Variants in TSSK4 observed in about 807,000 individuals in gnomAD.
The protein encoded by TSSK4 is testis specific serine kinase 4.
Under a neutral mutation model 28.5 loss-of-function variants are expected in TSSK4, and 22 were observed. The observed-to-expected ratio is 0.77, with a 90% CI of 0.55 to 1.10. The LOEUF (loss-of-function observed/expected upper bound fraction) is 1.10. TSSK4 is among the 50% of genes least tolerant of loss of function. The pLI is 0.00. For missense variants in TSSK4, 329 were observed against 415.4 expected (o/e 0.79, Z 1.81); for synonymous variants, 151 against 158.3 (o/e 0.95, Z 0.35).
chr14:24,207,873 T>G lies in TSSK4; in HGVS notation c.835-91T>G, dbSNP rs181240474. On this transcript the variant is annotated intron_variant, in intron 3 of 3. Coordinates refer to ENST00000339917, the MANE Select transcript of TSSK4 (RefSeq NM_001184739.2). ...CTTTGACCAGAGTGGTATGATGGGC[T>G]ATCCTGCTTCTTTCTTAGGTCCAAC... 536 of 1,602,600 alleles carry G rather than the reference T, an allele frequency of 3.3e-4. 6 individuals are homozygous for G. In the East Asian group the frequency reaches 0.011, roughly 34 times the overall value.
In TSSK4 at chr14:24,207,142, G is replaced by T. The variant is rs1294798354; in HGVS notation, c.467G>T (p.Gly156Val). ...HRLMPSLSAAGRDLKLENLLL... is the reference protein window; with the variant it reads ...HRLMPSLSAAVRDLKLENLLL... ...CTGATGCCCAGCCTTTCTGCTGCTG[G>T]TAGGGACTTAAAGTTGGAGAACCTG... The change falls in exon 3 of 4, where the codon GGT becomes GTT. Residue 156 changes from glycine to valine, a missense_variant. By Grantham distance (109) the Gly-to-Val change is moderately radical (BLOSUM62 -3). Coordinates refer to ENST00000339917, the MANE Select transcript of TSSK4 (RefSeq NM_001184739.2). The T allele has an allele frequency of 1.9e-6, 3 of 1,609,756 alleles. No homozygotes were observed. The Admixed American group carries it at 5.0e-5, about 27-fold the overall frequency.
Position 24,207,299 on chromosome 14 carries a change from C to G in TSSK4, c.624C>G (p.Tyr208Ter), listed in dbSNP as rs757755969. Residue 208 changes from tyrosine to a stop codon, truncating the protein, a stop_gained, in exon 3 of 4, where the codon TAC (tyrosine) becomes TAG (stop). Coordinates refer to ENST00000339917, the MANE Select transcript of TSSK4 (RefSeq NM_001184739.2). LOFTEE classifies it high-confidence loss of function. ...VNCFSHLSQTYCGSFAYACPE... is the reference protein window; with the variant it reads ...VNCFSHLSQT Reference sequence around the variant, plus strand: ...GCTTTTCCCACCTCAGCCAGACTTACTGTGGCAGCTTTGCTTACGCTTGCC... The same window carrying G: ...GCTTTTCCCACCTCAGCCAGACTTAGTGTGGCAGCTTTGCTTACGCTTGCC... 81 of 1,614,040 alleles carry G rather than the reference C, an allele frequency of 5.0e-5. No homozygotes were observed. The highest frequency in any genetic ancestry group is 1.5e-4 in the Admixed American group (9 of 60,010).
At chr14:24,206,372 C>T (rs1482647429) in intron 1 of TSSK4, 137 bp from the exon 2 acceptor site, 7 of 1,003,150 alleles carry the variant, frequency 7.0e-6, no homozygotes, top group Non-Finnish European at 8.9e-6. Context: ...CATTTGCCCA[C>T]AGGCCACCAG....
Position 24,207,520 on chromosome 14 carries a change from C to T in TSSK4, c.834+11C>T. The T allele has an allele frequency of 6.3e-7, 1 of 1,589,090 alleles. No individual in the cohort carries two copies. Among genetic ancestry groups the T allele is most frequent in the South Asian group, 1.2e-5 (1 of 86,786 alleles). Reference sequence around the variant, plus strand: ...TCCCAGGAGTGCAAGGTACTGGCTACCTAAGGAGGGCTGAGCCTTCAGGGA... The same window carrying T: ...TCCCAGGAGTGCAAGGTACTGGCTATCTAAGGAGGGCTGAGCCTTCAGGGA... On this transcript the variant is annotated intron_variant, in intron 3 of 3. Transcript: ENST00000339917.
Position 24,207,476 on chromosome 14 carries a change from C to A in TSSK4, c.801C>A (p.Phe267Leu). The change falls in exon 3 of 4, where the codon TTC (phenylalanine) becomes TTA (leucine). Residue 267 changes from phenylalanine (F) to leucine (L), a missense_variant. Physicochemically the swap from Phe to Leu is conservative, Grantham distance 22. Transcript: ENST00000339917. ...LLRETQKEVT[F>L]PANHTISQEC... is the part of the protein sequence containing the mutation. Reference sequence around the variant, plus strand: ...GAGAGACTCAGAAGGAGGTCACTTTCCCAGCTAACCATACCATCTCCCAGG... The same window carrying A: ...GAGAGACTCAGAAGGAGGTCACTTTACCAGCTAACCATACCATCTCCCAGG... 2 of 1,612,934 alleles carry A rather than the reference C, an allele frequency of 1.2e-6. No homozygotes were observed. The highest frequency in any genetic ancestry group is 1.7e-6 in the Non-Finnish European group (2 of 1,179,386).
Position 24,208,183 on chromosome 14 carries a change from CAGG to C in TSSK4, c.*41_*43del, listed in dbSNP as rs773774465. The C allele has an allele frequency of 6.5e-7, 1 of 1,545,920 alleles. No homozygotes were observed. The highest frequency in any genetic ancestry group is 8.7e-7 in the Non-Finnish European group (1 of 1,145,090). ...GGAGGGGGCTAAGAGAGGAGCAAAG[CAGG>C]AGGTCTTGGGCTAAAAATCTTTTTT... On this transcript the variant is annotated 3_prime_UTR_variant, in exon 4 of 4. Transcript: ENST00000339917.
Position 24,206,549 on chromosome 14 carries a change from A to G in TSSK4, c.266A>G (p.Tyr89Cys), listed in dbSNP as rs34083933. 5,077 of 1,614,192 alleles carry G rather than the reference A, an allele frequency of 3.1e-3. 12 individuals are homozygous for G. The highest frequency in any genetic ancestry group is 4.0e-3 in the Non-Finnish European group (4,752 of 1,180,022). Residue 89 changes from tyrosine to cysteine, a missense_variant, in exon 2 of 4, where the codon TAT becomes TGT. Around this residue, in one of 3 missense-constraint regions of TSSK4, gnomAD observed 175 missense variants for 196.0 expected, o/e 0.89. Transcript: ENST00000339917. ...CGGCACAAGTACCTCATCAACTTCTATCGGGCCATTGAGAGCACATCTCGA... is the reference window on the plus strand; with the variant it reads ...CGGCACAAGTACCTCATCAACTTCTGTCGGGCCATTGAGAGCACATCTCGA... The part of the protein sequence containing the change: ...VLRHKYLINF[Y>C]RAIESTSRVY...
chr14:24,207,882 T>G (rs2039548674), intron 3 of TSSK4, 82 bp from the exon 4 acceptor site: 2 of 1,608,136 alleles, frequency 1.2e-6, no homozygotes, highest in South Asian at 1.1e-5. Flanking sequence ...CTATCCTGCT[T>G]CTTTCTTAGG....
chr14:24,207,022 TA>T, intron 2 of TSSK4, 93 bp from the exon 3 acceptor site: 1 of 1,531,200 alleles, frequency 6.5e-7, no homozygotes, highest in Non-Finnish European at 8.9e-7. Context: ...TGTGCCCTCA[TA>T]ATGGTTTCTA....
Position 24,208,137 on chromosome 14 carries a change from T to G in TSSK4, c.1008T>G (p.Ile336Met), listed in dbSNP as rs2039554383. 6.2e-7 allele frequency: 1 copy of G among 1,600,780 alleles called. No homozygotes were observed. The highest frequency in any genetic ancestry group is 1.3e-5 in the African/African-American group (1 of 74,636). Residue 336 changes from isoleucine to methionine, a missense_variant, in exon 4 of 4, where the codon ATT becomes ATG. Physicochemically the swap from Ile to Met is conservative, Grantham distance 10. This residue lies in a region of TSSK4 where 139 missense variants were observed against 178.1 expected (regional missense o/e 0.78). Coordinates refer to ENST00000339917, the MANE Select transcript of TSSK4 (RefSeq NM_001184739.2). ...CTAAACAGCACCAATCCTTGCAAAT[T>G]ACGACCTGAAAATGGCTGAGGGAGG... is the stretch of plus-strand genomic sequence containing the variant. Reference protein sequence around the residue: ...NTTKQHQSLQITT With the variant: ...NTTKQHQSLQMTT
intron 1 of TSSK4, 43 bp from the exon 2 acceptor site, chr14:24,206,466 G>A (rs763836721): frequency 2.4e-5 from 38 of 1,605,272 alleles, no homozygotes; most frequent in Non-Finnish European, 3.1e-5. Context: ...TGCAGTCAGG[G>A]TTCTCCCTTC....
intron 3 of TSSK4, 109 bp from the exon 4 acceptor site, chr14:24,207,855 C>G (rs778361251): frequency 6.3e-7 from 1 of 1,582,532 alleles, no homozygotes. Context: ...CCACTTTGAC[C>G]AGAGTGGTAT....
At chr14:24,207,858 A>C (rs1340182787) in intron 3 of TSSK4, 106 bp from the exon 4 acceptor site, 2 of 1,586,580 alleles carry the variant, frequency 1.3e-6, no homozygotes, top group Admixed American at 3.5e-5. Context: ...CTTTGACCAG[A>C]GTGGTATGAT....
chr14:24,206,046 G>T lies in TSSK4; in HGVS notation c.123G>T (p.Glu41Asp). The T allele has an allele frequency of 6.2e-7, 1 of 1,614,202 alleles. No individual in the cohort carries two copies. Among genetic ancestry groups the T allele is most frequent in the Non-Finnish European group, 8.5e-7 (1 of 1,180,028 alleles). The change falls in exon 1 of 4, where the codon GAG (glutamate) becomes GAT (aspartate). Residue 41 changes from glutamate (E) to aspartate (D), a missense_variant. Around this residue, in one of 3 missense-constraint regions of TSSK4, gnomAD observed 175 missense variants for 196.0 expected, o/e 0.89. Transcript: ENST00000339917. Reference sequence around the variant, plus strand: ...ATGGCTCCTATGGGTCGGTATATGAGGCTTTCTACACAAAGCAGAAGGTTA... The same window carrying T: ...ATGGCTCCTATGGGTCGGTATATGATGCTTTCTACACAAAGCAGAAGGTTA... Reference protein sequence around the residue: ...IGHGSYGSVYEAFYTKQKVMV... With the variant: ...IGHGSYGSVYDAFYTKQKVMV...
intron 3 of TSSK4, 105 bp from the exon 4 acceptor site, chr14:24,207,859 G>A (rs1202931034): frequency 6.3e-7 from 1 of 1,587,882 alleles, no homozygotes; most frequent in South Asian, 1.1e-5. Flanking sequence ...TTTGACCAGA[G>A]TGGTATGATG....
intron 2 of TSSK4, 136 bp from the exon 3 acceptor site, chr14:24,206,980 C>G: frequency 7.7e-7 from 1 of 1,295,942 alleles, no homozygotes; most frequent in Non-Finnish European, 1.1e-6. Context: ...GGGCTCTGCT[C>G]ACAACTCCAT....
chr14:24,207,291 C>T lies in TSSK4; in HGVS notation c.616C>T (p.Gln206Ter), dbSNP rs1019179272. The change falls in exon 3 of 4, where the codon CAG (glutamine) becomes TAG (stop). Residue 206 changes from glutamine to a stop codon, truncating the protein, a stop_gained. Coordinates refer to ENST00000339917, the MANE Select transcript of TSSK4 (RefSeq NM_001184739.2). LOFTEE classifies it high-confidence loss of function. ...AGTGAACTGCTTTTCCCACCTCAGC[C>T]AGACTTACTGTGGCAGCTTTGCTTA... ...RQVNCFSHLS[Q>*]TYCGSFAYAC... The T allele has an allele frequency of 1.2e-6, 2 of 1,614,148 alleles. No individual in the cohort carries two copies. The highest frequency in any genetic ancestry group is 2.7e-5 in the African/African-American group (2 of 75,054).
rs754188021 is a variant in TSSK4 at position 24,208,202 on chromosome 14, A to C, written c.*56A>C. The C allele has an allele frequency of 1.1e-5, 17 of 1,496,578 alleles. No individual in the cohort carries two copies. The highest frequency in any genetic ancestry group is 1.5e-5 in the Non-Finnish European group (17 of 1,121,866). 92.7% of individuals were successfully genotyped at this position (1,496,578 alleles called of 1,614,324 possible). A position where few individuals can be genotyped will look rare whatever the true frequency, so the allele number is the denominator to read the frequency against. On this transcript the variant is annotated 3_prime_UTR_variant, in exon 4 of 4. Transcript: ENST00000339917. The stretch of plus-strand genomic sequence containing the variant: ...GCAAAGCAGGAGGTCTTGGGCTAAA[A>C]ATCTTTTTTACCAAAAATAAATCTA...
In TSSK4 at chr14:24,208,149, A is replaced by G; in HGVS notation, c.*3A>G. 2 of 1,598,658 alleles carry G rather than the reference A, an allele frequency of 1.3e-6. No homozygotes were observed. The highest frequency in any genetic ancestry group is 4.5e-5 in the East Asian group (2 of 44,462). On this transcript the variant is annotated 3_prime_UTR_variant, in exon 4 of 4. Coordinates refer to ENST00000339917, the MANE Select transcript of TSSK4 (RefSeq NM_001184739.2). Reference sequence around the variant, plus strand: ...AATCCTTGCAAATTACGACCTGAAAATGGCTGAGGGAGGGGGCTAAGAGAG... The same window carrying G: ...AATCCTTGCAAATTACGACCTGAAAGTGGCTGAGGGAGGGGGCTAAGAGAG...
Sources: gnomAD v4.1 joint callset for allele counts on GRCh38, gnomAD v4.1.1 for gene constraint, gnomAD v4.1.1 regional missense constraint, MANE v1.5 for transcripts, NCBI Gene and HGNC (gene_info 2026-07-23, HGNC 2026-07-21) for gene names.